Variants in MET observed in about 807,000 individuals in gnomAD.
MET encodes the protein MET proto-oncogene, receptor tyrosine kinase, also known as hepatocyte growth factor receptor.
Under a neutral mutation model 133.1 loss-of-function variants are expected in MET, and 48 were observed. That is an observed-to-expected ratio of 0.36 (90% confidence interval 0.29 to 0.46). The LOEUF (loss-of-function observed/expected upper bound fraction) is 0.46. MET is among the 20% of genes least tolerant of loss of function. The probability of loss-of-function intolerance (pLI) is 1.00; values close to 1 mark genes in which losing one functional copy is unlikely to be tolerated. For synonymous variants in MET, 628 were observed against 616.5 expected (o/e 1.02, Z -0.28); for missense variants, 1,442 against 1,695.9 (o/e 0.85, Z 2.63).
intron 2 of MET, among the ~76,000 whole-genome samples, chr7:116,704,915 A>G (rs943188103): frequency 6.6e-6 from 1 of 152,126 alleles, no homozygotes; most frequent in African/African-American, 2.4e-5. Flanking sequence ...GTTTTTAAAT[A>G]TCATTTATAC....
intron 19 of MET, among the ~76,000 whole-genome samples, chr7:116,787,119 G>C (rs1243454877): frequency 6.6e-6 from 1 of 152,174 alleles, no homozygotes; most frequent in Non-Finnish European, 1.5e-5. Flanking sequence ...AAGAGAAAGT[G>C]ATAGTGCCAT....
chr7:116,785,577 C>A (rs1358482892), intron 19 of MET, among the ~76,000 whole-genome samples: 3 of 152,204 alleles, frequency 2.0e-5, no homozygotes, highest in South Asian at 2.1e-4. Flanking sequence ...CACCTCCCAC[C>A]AGGCCTCAGC....
rs148859467 is a variant in MET, at chr7:116,776,583, AG to A, written c.3260-805del. Among the ~76,000 whole-genome samples, 198 of 152,334 alleles carry A rather than the reference AG, an allele frequency of 1.3e-3. 1 individual carries two copies. The highest frequency in any genetic ancestry group is 4.5e-3 in the African/African-American group (189 of 41,586). On this transcript the variant is annotated intron_variant, in intron 15 of 20. Transcript: ENST00000397752. ...CTGCAGGAGAATAGGAGCACTCAAA[AG>A]CATAAGTTTTATTTTATTCTTCTTT...
chr7:116,692,687 A>G (rs1385429940), intron 1 of MET, among the ~76,000 whole-genome samples: 1 of 152,150 alleles, frequency 6.6e-6, no homozygotes, highest in South Asian at 2.1e-4. Flanking sequence ...TAAAGGAAGT[A>G]CTCCTAAATA....
intron 3 of MET, among the ~76,000 whole-genome samples, chr7:116,734,433 A>G (rs1793137453): frequency 6.6e-6 from 1 of 152,236 alleles, no homozygotes; most frequent in African/African-American, 2.4e-5. Context: ...GTGCAAAGTG[A>G]ATCAGGTATT....
At chr7:116,685,052 T>C (rs1227626613) in intron 1 of MET, among the ~76,000 whole-genome samples, 1 of 152,170 alleles carries the variant, frequency 6.6e-6, no homozygotes, top group Non-Finnish European at 1.5e-5. Context: ...ATATGGGACA[T>C]GTTCAGCACT....
chr7:116,711,771 A>G (rs1008434652), intron 2 of MET, among the ~76,000 whole-genome samples: 1 of 152,134 alleles, frequency 6.6e-6, no homozygotes, highest in Non-Finnish European at 1.5e-5. Flanking sequence ...ACCTATTTGT[A>G]TATCTGATGA....
intron 2 of MET, among the ~76,000 whole-genome samples, chr7:116,715,146 A>G (rs986147447): frequency 3.9e-5 from 6 of 152,196 alleles, no homozygotes; most frequent in Non-Finnish European, 8.8e-5. Flanking sequence ...AGCACCTAGA[A>G]CAGTCTGTCA....
Position 116,797,673 on chromosome 7 carries a change from C to CCA in MET, c.*1552_*1553dup, listed in dbSNP as rs1466079200. 1 of 226,008 alleles carries CCA rather than the reference C, an allele frequency of 4.4e-6. No homozygotes were observed. Among genetic ancestry groups the CCA allele is most frequent in the African/African-American group, 2.2e-5 (1 of 44,820 alleles). 14.0% of individuals were successfully genotyped at this position (226,008 alleles called of 1,614,324 possible). A position where few individuals can be genotyped will look rare whatever the true frequency, so the allele number is the denominator to read the frequency against. On this transcript the variant is annotated 3_prime_UTR_variant, in exon 21 of 21. Coordinates refer to ENST00000397752, the MANE Select transcript of MET (RefSeq NM_000245.4). ...ATGATATGAGAAAAATTTTGTTAGG[C>CCA]CACAAAAACACTGCACTGTGAACAT...
intron 5 of MET, among the ~76,000 whole-genome samples, chr7:116,751,781 G>T (rs1047949848): frequency 1.3e-5 from 2 of 152,122 alleles, no homozygotes; most frequent in Non-Finnish European, 2.9e-5. Context: ...GAAAATTCAG[G>T]CCGGGCGTGG....
At chr7:116,716,230 G>T (rs1307037078) in intron 2 of MET, among the ~76,000 whole-genome samples, 2 of 149,796 alleles carry the variant, frequency 1.3e-5, no homozygotes, top group African/African-American at 2.5e-5. Flanking sequence ...TGCCGCCTGG[G>T]TGACAGAGCC....
At chr7:116,774,360 C>T (rs2117024357) in intron 14 of MET, among the ~76,000 whole-genome samples, 1 of 152,260 alleles carries the variant, frequency 6.6e-6, no homozygotes, top group Middle Eastern at 3.4e-3. Context: ...GAGAATTTAC[C>T]ACTAATGTGA....
intron 2 of MET, among the ~76,000 whole-genome samples, chr7:116,730,410 C>G (rs1306596278): frequency 2.0e-5 from 3 of 152,132 alleles, no homozygotes; most frequent in African/African-American, 7.2e-5. Flanking sequence ...AATGGGGAAG[C>G]ATTGAGTGTT....
In MET at chr7:116,715,061, C is replaced by A. The variant is rs184618579; in HGVS notation, c.1200+14777C>A. ...GCATTATGAGGGCTTACTAGACCAA[C>A]AATAGTGATAATAATAACTGTTTAG... On this transcript the variant is annotated intron_variant, in intron 2 of 20. Transcript: ENST00000397752. Among the ~76,000 whole-genome samples, 21 of 152,224 alleles carry A rather than the reference C, an allele frequency of 1.4e-4. No individual in the cohort carries two copies. The East Asian group carries it at 3.9e-3, about 28-fold the overall frequency.
intron 16 of MET, among the ~76,000 whole-genome samples, chr7:116,778,115 A>G (rs1174704566): frequency 2.6e-5 from 4 of 152,244 alleles, no homozygotes; most frequent in South Asian, 2.1e-4. Context: ...GCTTCCAAAT[A>G]CAAACTAAGT....
At chr7:116,792,202 A>G (rs1213894549) in intron 19 of MET, among the ~76,000 whole-genome samples, 1 of 151,994 alleles carries the variant, frequency 6.6e-6, no homozygotes. Flanking sequence ...AACCCTGTCT[A>G]TCACTTTTCA....
chr7:116,736,024 C>T (rs1203271681), intron 3 of MET, among the ~76,000 whole-genome samples: 1 of 152,000 alleles, frequency 6.6e-6, no homozygotes, highest in East Asian at 1.9e-4. Context: ...GTGATCTGCC[C>T]GCCTTGGCCT....
chr7:116,779,562 C>G (rs1795093524), intron 17 of MET, among the ~76,000 whole-genome samples: 1 of 152,172 alleles, frequency 6.6e-6, no homozygotes, highest in African/African-American at 2.4e-5. Context: ...CTTCCCTGCT[C>G]TATTTTCCCC....
In MET at chr7:116,700,047, T is replaced by C; in HGVS notation, c.963T>C (p.Tyr321=). 6.2e-7 allele frequency: 1 copy of C among 1,613,978 alleles called. No homozygotes were observed. The highest frequency in any genetic ancestry group is 8.5e-7 in the Non-Finnish European group (1 of 1,179,958). ...KEVFNILQAA[Y]VSKPGAQLAR... is the part of the protein sequence containing the mutation. Reference sequence around the variant, plus strand: ...TGTTTAATATACTTCAGGCTGCGTATGTCAGCAAGCCTGGGGCCCAGCTTG... The same window carrying C: ...TGTTTAATATACTTCAGGCTGCGTACGTCAGCAAGCCTGGGGCCCAGCTTG... Residue 321 remains tyrosine, a synonymous_variant, in exon 2 of 21, where the codon TAT becomes TAC. Coordinates refer to ENST00000397752, the MANE Select transcript of MET (RefSeq NM_000245.4).
Sources: gnomAD v4.1 joint callset for allele counts (sites outside exome capture counted in the v4.1 genomes callset) on GRCh38, gnomAD v4.1.1 for gene constraint, MANE v1.5 for transcripts, NCBI Gene and HGNC (gene_info 2026-07-23, HGNC 2026-07-21) for gene names.